RCBTB1: variants seen among roughly 807,000 people sequenced by gnomAD.
RCBTB1 encodes RCC1 and BTB domain containing protein 1, also known as RCC1 and BTB domain-containing protein 1.
A neutral mutation model predicts 62.4 loss-of-function variants in RCBTB1; 46 were observed. The ratio of observed to expected loss-of-function variants is 0.74; its 90% CI spans 0.58 to 0.94. The LOEUF (loss-of-function observed/expected upper bound fraction) is 0.94. Among genes scored for constraint, RCBTB1 ranks in the 40% least tolerant of loss-of-function variants. The probability of loss-of-function intolerance (pLI) is 0.00; values close to 1 mark genes in which losing one functional copy is unlikely to be tolerated. For synonymous variants in RCBTB1, 222 were observed against 245.8 expected, an observed-to-expected ratio of 0.90 and a Z score of 0.91; for missense variants, 565 against 654.9, an observed-to-expected ratio of 0.86 and a Z score of 1.50.
chr13:49,578,713 T>C (rs1371087251), intron 2 of RCBTB1, among the ~76,000 whole-genome samples: 1 of 152,128 alleles, frequency 6.6e-6, no homozygotes, highest in Non-Finnish European at 1.5e-5. Flanking sequence ...TTACACGAAA[T>C]CCCAGAAACC....
At chr13:49,536,839 G>C (rs1020840383) in intron 12 of RCBTB1, among the ~76,000 whole-genome samples, 7 of 152,200 alleles carry the variant, frequency 4.6e-5, no homozygotes, top group African/African-American at 1.7e-4. Flanking sequence ...ATTGTCATTA[G>C]CAAAGAAGAC....
chr13:49,567,687 G>A (rs1463799608), intron 2 of RCBTB1, among the ~76,000 whole-genome samples: 6 of 152,084 alleles, frequency 3.9e-5, no homozygotes, highest in East Asian at 1.9e-4. Flanking sequence ...CACAGAGGGC[G>A]CCTGCAGCTG....
At chr13:49,555,744 T>C (rs1302633757) in intron 5 of RCBTB1, 71 bp from the exon 6 acceptor site, 1 of 1,151,020 alleles carries the variant, frequency 8.7e-7, no homozygotes, top group African/African-American at 1.6e-5. Context: ...CAAATAATCA[T>C]AAAAATTAAA....
At chr13:49,548,652 T>A (rs927523827) in intron 9 of RCBTB1, among the ~76,000 whole-genome samples, 36 of 151,940 alleles carry the variant, frequency 2.4e-4, no homozygotes, top group African/African-American at 8.7e-4. Context: ...CAGAGACATA[T>A]TACGTCAATG....
chr13:49,551,549 C>G, intron 7 of RCBTB1, 81 bp from the exon 8 acceptor site: 2 of 1,485,422 alleles, frequency 1.3e-6, no homozygotes, highest in Non-Finnish European at 1.8e-6. Context: ...CTATAGCCAG[C>G]TTCTGCAGAA....
chr13:49,556,770 A>G (rs1961932610), intron 5 of RCBTB1, among the ~76,000 whole-genome samples: 1 of 152,210 alleles, frequency 6.6e-6, no homozygotes, highest in Non-Finnish European at 1.5e-5. Flanking sequence ...ACACCTCCTC[A>G]AAGTATATTC....
At chr13:49,535,584 C>A (rs1243575174) in intron 12 of RCBTB1, among the ~76,000 whole-genome samples, 1 of 152,030 alleles carries the variant, frequency 6.6e-6, no homozygotes, top group African/African-American at 2.4e-5. Context: ...TGGAAGGGGC[C>A]CACACAAACA....
intron 1 of RCBTB1, among the ~76,000 whole-genome samples, chr13:49,585,062 G>C (rs967854414): frequency 6.6e-6 from 1 of 152,218 alleles, no homozygotes; most frequent in African/African-American, 2.4e-5. Context: ...TTGGAAAGGA[G>C]AGAGAATAGG....
intron 12 of RCBTB1, among the ~76,000 whole-genome samples, chr13:49,536,504 C>T (rs937114870): frequency 2.0e-5 from 3 of 152,174 alleles, no homozygotes; most frequent in Admixed American, 2.0e-4. Flanking sequence ...ATCAAATCTT[C>T]AATAACAGGC....
chr13:49,535,180 G>A (rs1049422933), intron 12 of RCBTB1, among the ~76,000 whole-genome samples: 12 of 152,062 alleles, frequency 7.9e-5, no homozygotes, highest in African/African-American at 2.7e-4. Flanking sequence ...ATTTACACAG[G>A]TTAGTTTTCA....
At position 49,560,013 on chromosome 13, in the gene RCBTB1, C is replaced by T. The variant is rs765873381; in HGVS notation, c.349G>A (p.Ala117Thr). Reference sequence around the variant, plus strand: ...AGATTGGTACAGACCTGGACGGGAGCAATGCCTTGGTTGGTCGTCCCATTC... The same window carrying T: ...AGATTGGTACAGACCTGGACGGGAGTAATGCCTTGGTTGGTCGTCCCATTC... The part of the protein sequence containing the change: ...LGNGTTNQGI[A>T]PVQVCTNLLI... Residue 117 changes from alanine to threonine, a missense_variant, in exon 5 of 13, where the codon GCT becomes ACT. Physicochemically the swap from Ala to Thr is moderately conservative, Grantham distance 58. Transcript: ENST00000378302. 6 of 1,614,192 alleles carry T rather than the reference C, an allele frequency of 3.7e-6. No individual in the cohort carries two copies. Among genetic ancestry groups the T allele is most frequent in the South Asian group, 1.1e-5 (1 of 91,086 alleles).
intron 2 of RCBTB1, among the ~76,000 whole-genome samples, chr13:49,568,040 C>T (rs1963144246): frequency 6.6e-6 from 1 of 152,096 alleles, no homozygotes; most frequent in African/African-American, 2.4e-5. Flanking sequence ...CCTCCCTGAC[C>T]CTCTCCTCAA....
intron 6 of RCBTB1, among the ~76,000 whole-genome samples, chr13:49,553,043 G>A (rs1346645659): frequency 5.9e-5 from 9 of 152,210 alleles, no homozygotes; most frequent in African/African-American, 1.7e-4. Context: ...TTAGCTGGGC[G>A]TGGTGGCGCG....
intron 9 of RCBTB1, among the ~76,000 whole-genome samples, chr13:49,549,226 G>C (rs980492856): frequency 1.3e-5 from 2 of 151,384 alleles, no homozygotes; most frequent in South Asian, 4.2e-4. Context: ...CATGTTATGC[G>C]AATTTGATAT....
intron 6 of RCBTB1, among the ~76,000 whole-genome samples, chr13:49,553,534 CAG>C (rs1961572196): frequency 6.6e-6 from 1 of 152,156 alleles, no homozygotes; most frequent in Non-Finnish European, 1.5e-5. Flanking sequence ...CTGAAAGTAA[CAG>C]AGCTAGGCAT....
intron 10 of RCBTB1, 100 bp downstream of exon 10, chr13:49,544,637 C>T: frequency 1.1e-6 from 1 of 940,698 alleles, no homozygotes; most frequent in Non-Finnish European, 1.6e-6. Flanking sequence ...AGTGACATTT[C>T]TCTCTACTAC....
intron 5 of RCBTB1, among the ~76,000 whole-genome samples, chr13:49,558,237 G>A (rs916310524): frequency 1.3e-5 from 2 of 152,138 alleles, no homozygotes; most frequent in Admixed American, 1.3e-4. Context: ...GAGTGAGTGT[G>A]GGGGTATACA....
At chr13:49,558,416 G>C (rs1171902516) in intron 5 of RCBTB1, among the ~76,000 whole-genome samples, 1 of 152,158 alleles carries the variant, frequency 6.6e-6, no homozygotes, top group African/African-American at 2.4e-5. Flanking sequence ...AAGTAGGCTT[G>C]TCATGGTGGC....
chr13:49,571,071 G>A (rs1963364454), intron 2 of RCBTB1, among the ~76,000 whole-genome samples: 1 of 152,174 alleles, frequency 6.6e-6, no homozygotes, highest in Non-Finnish European at 1.5e-5. Context: ...TCCAGGCCGG[G>A]CGGGGTAGCT....
Sources: gnomAD v4.1 joint callset for allele counts (sites outside exome capture counted in the v4.1 genomes callset) on GRCh38, gnomAD v4.1.1 for gene constraint, MANE v1.5 for transcripts, NCBI Gene and HGNC (gene_info 2026-07-23, HGNC 2026-07-21) for gene names.